The following ERMARD variants were observed in gnomAD, a reference collection of about 807,000 sequenced individuals.
ERMARD encodes the protein ER membrane associated RNA degradation.
In ERMARD, 71 loss-of-function variants were observed where a neutral mutation model predicts 83.9. The ratio of observed to expected loss-of-function variants is 0.85; its 90% CI spans 0.70 to 1.03. ERMARD has a LOEUF of 1.03. Among genes scored for constraint, ERMARD ranks in the 50% least tolerant of loss-of-function variants. The probability of loss-of-function intolerance (pLI) is 0.00; values close to 1 mark genes in which losing one functional copy is unlikely to be tolerated. For synonymous variants in ERMARD, 284 were observed against 298.6 expected (o/e 0.95, Z 0.50); for missense variants, 838 against 810.9 (o/e 1.03, Z -0.41).
rs1563003580 is a variant in ERMARD, at chr6:169,752,190, C to T, written c.6+527C>T. ...GAGCCGAGATCGCGCCACTGCACCC[C>T]TGTCTGGGCGACGGCGAGACCCCGT... On this transcript the variant is annotated intron_variant, in intron 1 of 17. Coordinates refer to ENST00000366773, the MANE Select transcript of ERMARD (RefSeq NM_018341.3). Among the ~76,000 whole-genome samples the T allele has an allele frequency of 2.6e-5, 4 of 152,330 alleles. 1 individual carries two copies. In the Middle Eastern group the frequency reaches 0.014, roughly 518 times the overall value.
Position 169,781,466 on chromosome 6 carries a change from A to C in ERMARD, c.1990A>C (p.Met664Leu), listed in dbSNP as rs750564749. The C allele has an allele frequency of 1.9e-6, 3 of 1,608,682 alleles. No homozygotes were observed. The highest frequency in any genetic ancestry group is 2.5e-6 in the Non-Finnish European group (3 of 1,177,886). ...KMWTFSEKKQ[M>L]LIHLAKKSTS... ...GTGGACTTTTAGTGAGAAGAAACAAATGTTAATACATTTAGCCAAGAAATC... is the reference window on the plus strand; with the variant it reads ...GTGGACTTTTAGTGAGAAGAAACAACTGTTAATACATTTAGCCAAGAAATC... The change falls in exon 18 of 18, where the codon ATG becomes CTG. Residue 664 changes from methionine (M) to leucine (L), a missense_variant. Coordinates refer to ENST00000366773, the MANE Select transcript of ERMARD (RefSeq NM_018341.3).
Position 169,768,113 on chromosome 6 carries a change from A to G in ERMARD, c.1001A>G (p.Lys334Arg). The G allele has an allele frequency of 6.2e-7, 1 of 1,614,048 alleles. No homozygotes were observed. Among genetic ancestry groups the G allele is most frequent in the Non-Finnish European group, 8.5e-7 (1 of 1,179,904 alleles). The change falls in exon 11 of 18, where the codon AAA (lysine) becomes AGA (arginine). Residue 334 changes from lysine to arginine, a missense_variant. Lys to Arg is a conservative substitution (Grantham distance 26). Coordinates refer to ENST00000366773, the MANE Select transcript of ERMARD (RefSeq NM_018341.3). ...LYTTFDQILAKHLNDGKINQL... is the reference protein window; with the variant it reads ...LYTTFDQILARHLNDGKINQL... ...TTTTTGATGTTTTAGATATTGGCAA[A>G]ACACTTGAATGATGGTAAAATCAAT...
At position 169,756,824 on chromosome 6, in the gene ERMARD, T is replaced by C; in HGVS notation, c.507+16T>C. 3.1e-6 allele frequency: 5 copies of C among 1,609,710 alleles called. No individual in the cohort carries two copies. The highest frequency in any genetic ancestry group is 3.4e-6 in the Non-Finnish European group (4 of 1,176,358). On this transcript the variant is annotated intron_variant, in intron 5 of 17. Transcript: ENST00000366773. ...TCAGTCTGTGGTAAGCTTGTTCATC[T>C]AAACTCATGGAGTATATTAGTCCGT...
At chr6:169,762,665 GC>G (rs1330766791) in intron 9 of ERMARD, 134 bp downstream of exon 9, 1 of 659,248 alleles carries the variant, frequency 1.5e-6, no homozygotes, top group Non-Finnish European at 2.6e-6. Flanking sequence ...ACTGTGGAAG[GC>G]CTATCATTTC....
At chr6:169,775,078 C>G (rs1386192770) in intron 13 of ERMARD, among the ~76,000 whole-genome samples, 192 bp from the exon 14 acceptor site, 3 of 152,222 alleles carry the variant, frequency 2.0e-5, no homozygotes, top group Non-Finnish European at 2.9e-5. Context: ...CCCTTCCAAT[C>G]CACTGGTAGT....
rs114517069 is a variant in ERMARD at position 169,781,109 on chromosome 6, C to T, written c.1854-221C>T. The stretch of plus-strand genomic sequence containing the variant: ...CTTGAAAAGGTGCTTGCGTTGGAGC[C>T]TGTCCAAGTGTCCAGTAGCATTTAC... On this transcript the variant is annotated intron_variant, in intron 17 of 17. Coordinates refer to ENST00000366773, the MANE Select transcript of ERMARD (RefSeq NM_018341.3). Among the ~76,000 whole-genome samples the T allele has an allele frequency of 1.8e-3, 275 of 152,334 alleles. 1 individual carries two copies. The highest frequency in any genetic ancestry group is 6.3e-3 in the African/African-American group (261 of 41,570).
rs758400112 is a variant in ERMARD, at chr6:169,773,334, G to A, written c.1249G>A (p.Glu417Lys). ...LSVFKEKSAV[E>K]LLISLAEGYS... Reference sequence around the variant, plus strand: ...TCTGCACTAGGAAAAATCAGCCGTAGAATTGTTGATTAGTCTTGCAGAAGG... The same window carrying A: ...TCTGCACTAGGAAAAATCAGCCGTAAAATTGTTGATTAGTCTTGCAGAAGG... The change falls in exon 13 of 18, where the codon GAA (glutamate) becomes AAA (lysine). Residue 417 changes from glutamate (E) to lysine (K), a missense_variant. Coordinates refer to ENST00000366773, the MANE Select transcript of ERMARD (RefSeq NM_018341.3). 12 of 1,614,016 alleles carry A rather than the reference G, an allele frequency of 7.4e-6. No individual in the cohort carries two copies. The highest frequency in any genetic ancestry group is 2.7e-5 in the African/African-American group (2 of 74,930).
chr6:169,773,389 A>G lies in ERMARD; in HGVS notation c.1304A>G (p.Gln435Arg). 1 of 1,614,172 alleles carries G rather than the reference A, an allele frequency of 6.2e-7. No homozygotes were observed. Among genetic ancestry groups the G allele is most frequent in the East Asian group, 2.2e-5 (1 of 44,884 alleles). The change falls in exon 13 of 18, where the codon CAG (glutamine) becomes CGG (arginine). Residue 435 changes from glutamine to arginine, a missense_variant. Physicochemically the swap from Gln to Arg is conservative, Grantham distance 43 (BLOSUM62 1). Coordinates refer to ENST00000366773, the MANE Select transcript of ERMARD (RefSeq NM_018341.3). ...GYSSRCHPVF[Q>R]LKKQVLSCEE... ...AGTTCTCGCTGTCATCCGGTTTTTC[A>G]GCTTAAAAAACAGGTATGCCAAATG...
At chr6:169,774,364 G>A (rs1793334901) in intron 13 of ERMARD, among the ~76,000 whole-genome samples, 1 of 152,196 alleles carries the variant, frequency 6.6e-6, no homozygotes, top group Non-Finnish European at 1.5e-5. Flanking sequence ...CGTTGGCGCT[G>A]TGGACCAGCT....
intron 12 of ERMARD, chr6:169,770,924 A>C (rs925096140): frequency 6.6e-6 from 1 of 151,238 alleles, no homozygotes. Context: ...GTTTGTGTAC[A>C]TATTGCTTTG....
Position 169,759,952 on chromosome 6 carries a change from C to T in ERMARD, c.720C>T (p.Leu240=), listed in dbSNP as rs769268820. Residue 240 remains leucine, a synonymous_variant, in exon 7 of 18, where the codon CTC becomes CTT. Transcript: ENST00000366773. Reference sequence around the variant, plus strand: ...GCTCTTTCATATCTCTTACAAACCTCGAGGATTTGATTGTTTTTCCTGGTA... The same window carrying T: ...GCTCTTTCATATCTCTTACAAACCTTGAGGATTTGATTGTTTTTCCTGGTA... The part of the protein sequence containing the change: ...AHRSFISLTN[L]EDLIVFPDVT... The T allele has an allele frequency of 2.2e-5, 35 of 1,614,012 alleles. No homozygotes were observed. Among genetic ancestry groups the T allele is most frequent in the Non-Finnish European group, 2.4e-5 (28 of 1,180,032 alleles).
chr6:169,775,882 A>G (rs1793528286), intron 14 of ERMARD, 58 bp from the exon 15 acceptor site: 4 of 1,590,102 alleles, frequency 2.5e-6, no homozygotes, highest in Non-Finnish European at 3.4e-6. Context: ...TCTTGTGCAC[A>G]GGCACTGATG....
At chr6:169,758,849 A>C in intron 5 of ERMARD, 119 bp from the exon 6 acceptor site, 1 of 837,982 alleles carries the variant, frequency 1.2e-6, no homozygotes, top group Non-Finnish European at 1.9e-6. Context: ...TATTACTGCT[A>C]TATACTAGCC....
rs757266163 is a variant in ERMARD at position 169,781,518 on chromosome 6, T to A, written c.*5T>A. 1.3e-6 allele frequency: 2 copies of A among 1,580,314 alleles called. No homozygotes were observed. Among genetic ancestry groups the A allele is most frequent in the Non-Finnish European group, 8.6e-7 (1 of 1,164,572 alleles). On this transcript the variant is annotated 3_prime_UTR_variant, in exon 18 of 18. Transcript: ENST00000366773. ...ACAAGTAAAGTACTCTTATGAAAAC[T>A]TGTAAGTCAGGATGCTTTTAATTTT...
At chr6:169,751,578 C>T, upstream of ERMARD, 3 of 1,605,174 alleles carry the variant, frequency 1.9e-6, no homozygotes, top group East Asian at 2.2e-5. Context: ...GAAGTGCCCG[C>T]CAGGGCTCCA....
At chr6:169,765,634 A>G (rs1462431134) in intron 9 of ERMARD, among the ~76,000 whole-genome samples, 1 of 152,260 alleles carries the variant, frequency 6.6e-6, no homozygotes, top group African/African-American at 2.4e-5. Flanking sequence ...CTAGCAATAC[A>G]GATTTCAGAG....
chr6:169,754,131 G>A (rs1790500604), intron 2 of ERMARD, 99 bp downstream of exon 2: 1 of 1,210,776 alleles, frequency 8.3e-7, no homozygotes, highest in African/African-American at 1.5e-5. Context: ...CCTTTTGTTA[G>A]ATAATGTTAT....
chr6:169,779,211 T>C lies in ERMARD; in HGVS notation c.1769T>C (p.Leu590Pro). The C allele has an allele frequency of 6.2e-7, 1 of 1,614,272 alleles. No homozygotes were observed. Among genetic ancestry groups the C allele is most frequent in the Non-Finnish European group, 8.5e-7 (1 of 1,180,036 alleles). Residue 590 changes from leucine (L) to proline (P), a missense_variant, in exon 17 of 18, where the codon CTG becomes CCG. Leu to Pro is a moderately conservative substitution (Grantham distance 98). Transcript: ENST00000366773. ...SIRLLSPVLS[L>P]ILLLIALELV... ...AGACTACTGTCCCCTGTGCTCAGCC[T>C]GATACTGTTACTCATTGCGCTGGAG... is the stretch of plus-strand genomic sequence containing the variant.
Position 169,760,663 on chromosome 6 carries a change from C to G in ERMARD, c.764C>G (p.Ser255Ter). 6.2e-7 allele frequency: 1 copy of G among 1,609,990 alleles called. No homozygotes were observed. Among genetic ancestry groups the G allele is most frequent in the Non-Finnish European group, 8.5e-7 (1 of 1,176,582 alleles). Residue 255 changes from serine (S) to a stop codon, truncating the protein, a stop_gained, in exon 8 of 18, where the codon TCA becomes TGA. Transcript: ENST00000366773. LOFTEE classifies it high-confidence loss of function. ...VFPDVTYEVL[S>*]VLEEVMMKSA... The stretch of plus-strand genomic sequence containing the variant: ...ACAGATGTTACTTATGAGGTGCTTT[C>G]AGTATTAGAAGAAGTGATGATGAAA...
Sources: gnomAD v4.1 joint callset for allele counts (sites outside exome capture counted in the v4.1 genomes callset) on GRCh38, gnomAD v4.1.1 for gene constraint, MANE v1.5 for transcripts, NCBI Gene and HGNC (gene_info 2026-07-23, HGNC 2026-07-21) for gene names.